The following LRP1B variants were observed in gnomAD, a reference collection of about 807,000 sequenced individuals.
The protein encoded by LRP1B is LDL receptor related protein 1B.
LRP1B carries 217 observed loss-of-function variants against 556.6 expected under a neutral mutation model. The observed-to-expected ratio is 0.39, with a 90% confidence interval of 0.35 to 0.44. LRP1B has a LOEUF of 0.44. Among genes scored for constraint, LRP1B ranks in the 20% least tolerant of loss-of-function variants. The pLI, the probability that LRP1B is intolerant of heterozygous loss-of-function variation, is 1.00. For missense variants in LRP1B, 5,053 were observed against 5,620.8 expected (o/e 0.90, Z 3.23); for synonymous variants, 2,047 against 1,865.8 (o/e 1.10, Z -2.50).
chr2:140,915,801 G>T (rs1325154855), intron 21 of LRP1B, among the ~76,000 whole-genome samples: 1 of 151,960 alleles, frequency 6.6e-6, no homozygotes, highest in Non-Finnish European at 1.5e-5. Flanking sequence ...GTTTAAAACT[G>T]TCAGCTCACG....
In LRP1B at chr2:140,665,994, ATTTT is replaced by A. The variant is rs201186602; in HGVS notation, c.6799+34252_6799+34255del. Among the ~76,000 whole-genome samples, 6 of 144,246 alleles carry A rather than the reference ATTTT, an allele frequency of 4.2e-5. 1 individual carries two copies. The Admixed American group carries it at 4.2e-4, about 10-fold the overall frequency. 94.6% of individuals were successfully genotyped at this position (144,246 alleles called of 152,430 possible). A position where few individuals can be genotyped will look rare whatever the true frequency, so the allele number is the denominator to read the frequency against. ...ACTTCAGTGGAGTAAAAAAAAAAAA[ATTTT>A]TTTTTTTTTTCCTGAGACGGAGTCT... is the stretch of plus-strand genomic sequence containing the variant. On this transcript the variant is annotated intron_variant, in intron 41 of 90. Transcript: ENST00000389484.
At chr2:140,765,985 C>T (rs1035655214) in intron 35 of LRP1B, among the ~76,000 whole-genome samples, 1 of 151,678 alleles carries the variant, frequency 6.6e-6, no homozygotes, top group African/African-American at 2.4e-5. Flanking sequence ...GCACATTGTG[C>T]ACATGTACCC....
At position 141,652,998 on chromosome 2, in the gene LRP1B, T is replaced by C. The variant is rs1422502823; in HGVS notation, c.205+157281A>G. Reference sequence around the variant, plus strand: ...GGGTTGTGAGGATGAGTGTTGCTTCTATATTTTAATTTTCATAATACTTTA... The same window carrying C: ...GGGTTGTGAGGATGAGTGTTGCTTCCATATTTTAATTTTCATAATACTTTA... On this transcript the variant is annotated intron_variant, in intron 2 of 90. Transcript: ENST00000389484. Among the ~76,000 whole-genome samples, 3 of 152,302 alleles carry C rather than the reference T, an allele frequency of 2.0e-5. No individual in the cohort carries two copies. In the South Asian group the frequency reaches 6.2e-4, roughly 32 times the overall value.
intron 2 of LRP1B, among the ~76,000 whole-genome samples, chr2:141,600,207 G>A (rs767162920): frequency 2.0e-5 from 3 of 152,044 alleles, no homozygotes; most frequent in Non-Finnish European, 4.4e-5. Flanking sequence ...TGGTTAGAGC[G>A]GTCTTACTTG....
intron 16 of LRP1B, among the ~76,000 whole-genome samples, chr2:140,990,792 GT>G (rs1255433417): frequency 2.6e-5 from 4 of 151,988 alleles, no homozygotes; most frequent in Admixed American, 6.6e-5. Context: ...TTCAATATGT[GT>G]TTCACAATTT....
At chr2:140,786,397 C>A (rs953411140) in intron 32 of LRP1B, among the ~76,000 whole-genome samples, 2 of 152,188 alleles carry the variant, frequency 1.3e-5, no homozygotes, top group African/African-American at 2.4e-5. Context: ...GGAGCCATTA[C>A]ATTTTTACAC....
At chr2:141,767,072 A>G (rs1199811338) in intron 2 of LRP1B, among the ~76,000 whole-genome samples, 1 of 152,140 alleles carries the variant, frequency 6.6e-6, no homozygotes, top group Non-Finnish European at 1.5e-5. Flanking sequence ...TCTCCTAGAG[A>G]TAGGCTATAG....
At chr2:141,049,569 A>T (rs374962821) in intron 10 of LRP1B, among the ~76,000 whole-genome samples, 1 of 152,070 alleles carries the variant, frequency 6.6e-6, no homozygotes, top group Non-Finnish European at 1.5e-5. Context: ...ATTATAATCT[A>T]TCTAACATTT....
intron 14 of LRP1B, among the ~76,000 whole-genome samples, chr2:141,006,668 AT>A (rs781675663): frequency 1.3e-5 from 2 of 151,994 alleles, no homozygotes; most frequent in East Asian, 1.9e-4. Flanking sequence ...TTCTGTAAAA[AT>A]ATCCTCTTTA....
intron 21 of LRP1B, among the ~76,000 whole-genome samples, chr2:140,922,005 A>C (rs996686650): frequency 2.6e-5 from 4 of 152,058 alleles, no homozygotes; most frequent in African/African-American, 9.7e-5. Flanking sequence ...TTGAAAAACA[A>C]TTTCACATCA....
At chr2:141,974,419 G>A (rs1296051946) in intron 1 of LRP1B, among the ~76,000 whole-genome samples, 3 of 151,940 alleles carry the variant, frequency 2.0e-5, no homozygotes, top group Non-Finnish European at 4.4e-5. Context: ...AAGGTTTTCT[G>A]CTGTGAATAA....
At position 140,804,649 on chromosome 2, in the gene LRP1B, A is replaced by ATTT. The variant is rs869167644; in HGVS notation, c.5359+9005_5359+9007dup. 2.2e-3 allele frequency among the ~76,000 whole-genome samples: 129 copies of ATTT among 57,908 alleles called. 4 individuals carry two copies. Among genetic ancestry groups the ATTT allele is most frequent in the South Asian group, 0.014 (20 of 1,470 alleles). The allele number at this position is 57,908 out of a possible 152,430, so 38.0% of individuals were successfully genotyped here. The stretch of plus-strand genomic sequence containing the variant: ...TAAGAGTTAGTGTAGGTAAAAACTA[A>ATTT]TTTTTTTTTTTTTTTTTTTTTTTTT... On this transcript the variant is annotated intron_variant, in intron 32 of 90. Transcript: ENST00000389484.
chr2:140,671,168 G>A (rs1685466116), intron 41 of LRP1B, among the ~76,000 whole-genome samples: 1 of 152,080 alleles, frequency 6.6e-6, no homozygotes, highest in South Asian at 2.1e-4. Flanking sequence ...CTGTATCATT[G>A]AGCTAAAACT....
At chr2:141,885,345 T>C (rs1699077428) in intron 1 of LRP1B, among the ~76,000 whole-genome samples, 1 of 151,934 alleles carries the variant, frequency 6.6e-6, no homozygotes, top group South Asian at 2.1e-4. Context: ...TGATACAGAG[T>C]CTATTGCTGA....
intron 1 of LRP1B, among the ~76,000 whole-genome samples, chr2:141,943,437 G>A (rs1444661266): frequency 3.3e-5 from 5 of 152,026 alleles, no homozygotes; most frequent in Non-Finnish European, 7.4e-5. Context: ...TTCACATTAG[G>A]GTTCTGACCT....
chr2:141,478,228 T>C (rs1375920956), intron 3 of LRP1B, among the ~76,000 whole-genome samples: 2 of 152,206 alleles, frequency 1.3e-5, no homozygotes, highest in Admixed American at 6.5e-5. Context: ...CTAAATGTTA[T>C]CAGAAAACTC....
In LRP1B at chr2:141,005,421, C is replaced by T; in HGVS notation, c.2417G>A (p.Ser806Asn). 1.2e-6 allele frequency: 2 copies of T among 1,611,508 alleles called. No homozygotes were observed. The highest frequency in any genetic ancestry group is 1.7e-6 in the Non-Finnish European group (2 of 1,178,304). Residue 806 changes from serine (S) to asparagine (N), a missense_variant, in exon 15 of 91, where the codon AGT becomes AAT. Around this residue, in one of 5 missense-constraint regions of LRP1B, gnomAD observed 3,619 missense variants for 3,931.9 expected, o/e 0.92. Coordinates refer to ENST00000389484, the MANE Select transcript of LRP1B (RefSeq NM_018557.3). Reference sequence around the variant, plus strand: ...TCCTGGGATAGCCAAGCAAAGTGTACTACAGCCCCCATTATTTACTCGGCA... The same window carrying T: ...TCCTGGGATAGCCAAGCAAAGTGTATTACAGCCCCCATTATTTACTCGGCA... Reference protein sequence around the residue: ...NMCRVNNGGCSTLCLAIPGGR... With the variant: ...NMCRVNNGGCNTLCLAIPGGR...
chr2:141,836,615 G>T (rs905167051), intron 1 of LRP1B, among the ~76,000 whole-genome samples: 1 of 151,936 alleles, frequency 6.6e-6, no homozygotes, highest in South Asian at 2.1e-4. Context: ...AACCTGCAGT[G>T]TAATTTTGTA....
intron 1 of LRP1B, among the ~76,000 whole-genome samples, chr2:141,985,758 C>A (rs954621621): frequency 2.0e-5 from 3 of 151,808 alleles, no homozygotes; most frequent in African/African-American, 7.2e-5. Flanking sequence ...TTTAGCTCTA[C>A]AGATTGAAGC....
Sources: allele counts gnomAD v4.1 joint callset (sites outside exome capture counted in the v4.1 genomes callset), GRCh38; gene constraint gnomAD v4.1.1; regional missense constraint gnomAD v4.1.1; transcripts MANE v1.5; gene names NCBI Gene and HGNC (gene_info 2026-07-23, HGNC 2026-07-21).